PTPN2: variants seen among roughly 807,000 people sequenced by gnomAD.
PTPN2 encodes the protein tyrosine-protein phosphatase non-receptor type 2.
In PTPN2, 19 loss-of-function variants were observed where a neutral mutation model predicts 57.3. That is an observed-to-expected ratio of 0.33 (90% CI 0.23 to 0.49). The LOEUF (loss-of-function observed/expected upper bound fraction) is 0.49. Ranked by LOEUF, PTPN2 falls within the 20% of genes least tolerant of loss-of-function variation. The pLI, the probability that PTPN2 is intolerant of heterozygous loss-of-function variation, is 0.99. For missense variants in PTPN2, 358 were observed against 501.1 expected (o/e 0.71, Z 2.73); for synonymous variants, 153 against 164.9 (o/e 0.93, Z 0.55).
rs773576227 is a variant in PTPN2, at chr18:12,817,198, C to G, written c.663G>C (p.Gly221=). 1.1e-5 allele frequency: 18 copies of G among 1,614,006 alleles called. No individual in the cohort carries two copies. Among genetic ancestry groups the G allele is most frequent in the Admixed American group, 1.7e-5 (1 of 59,998 alleles). The change falls in exon 6 of 9, where the codon GGG becomes GGC. Residue 221 remains glycine, a synonymous_variant. Coordinates refer to ENST00000309660, the MANE Select transcript of PTPN2 (RefSeq NM_002828.4). ...CTACCAGAGAGAAGGTGCCAGAGCGCCCAATGCCTGCACTACAGTGGATCA... is the reference window on the plus strand; with the variant it reads ...CTACCAGAGAGAAGGTGCCAGAGCGGCCAATGCCTGCACTACAGTGGATCA... The part of the protein sequence containing the change: ...PAVIHCSAGI[G]RSGTFSLVDT...
At chr18:12,804,764 C>T (rs575936536) in intron 7 of PTPN2, among the ~76,000 whole-genome samples, 1 of 152,200 alleles carries the variant, frequency 6.6e-6, no homozygotes, top group African/African-American at 2.4e-5. Context: ...AAGAAAAGCC[C>T]GGACTTGATG....
intron 3 of PTPN2, among the ~76,000 whole-genome samples, chr18:12,831,333 G>C (rs2042661253): frequency 6.6e-6 from 1 of 152,096 alleles, no homozygotes; most frequent in Non-Finnish European, 1.5e-5. Flanking sequence ...ACTTGGGTAG[G>C]AACCAAGGGT....
intron 5 of PTPN2, among the ~76,000 whole-genome samples, chr18:12,821,937 CG>C (rs1034048915): frequency 7.0e-4 from 106 of 152,016 alleles, no homozygotes; most frequent in African/African-American, 2.5e-3. Flanking sequence ...TGTGTAATGG[CG>C]GGGGGGTACC....
At chr18:12,790,271 C>A (rs1401511110), downstream of PTPN2, among the ~76,000 whole-genome samples, 1 of 152,036 alleles carries the variant, frequency 6.6e-6, no homozygotes, top group Non-Finnish European at 1.5e-5. Context: ...TCAAGGCAGG[C>A]TAGATTTTTA....
chr18:12,879,976 T>C (rs2044615025), intron 1 of PTPN2, among the ~76,000 whole-genome samples: 1 of 152,228 alleles, frequency 6.6e-6, no homozygotes, highest in South Asian at 2.1e-4. Flanking sequence ...AGATAGTGGT[T>C]TGCTTAATGC....
chr18:12,800,162 CTTAGAG>C (rs934950262), intron 8 of PTPN2, among the ~76,000 whole-genome samples: 7 of 152,130 alleles, frequency 4.6e-5, no homozygotes, highest in African/African-American at 1.7e-4. Flanking sequence ...TCTATAACTC[CTTAGAG>C]TTATAGACTC....
intron 1 of PTPN2, among the ~76,000 whole-genome samples, chr18:12,873,852 T>C (rs1341834489): frequency 1.3e-5 from 2 of 151,626 alleles, no homozygotes; most frequent in African/African-American, 2.4e-5. Flanking sequence ...GGAGCGTCTC[T>C]GCCCGGCTGC....
At chr18:12,808,323 A>G (rs2041763982) in intron 7 of PTPN2, among the ~76,000 whole-genome samples, 1 of 152,108 alleles carries the variant, frequency 6.6e-6, no homozygotes, top group Non-Finnish European at 1.5e-5. Context: ...ATAATTAAAT[A>G]GAGATTTCAA....
chr18:12,860,768 TTCTCTGCATTTCAA>T (rs1235852402), intron 1 of PTPN2, among the ~76,000 whole-genome samples: 2 of 140,622 alleles, frequency 1.4e-5, no homozygotes, highest in African/African-American at 2.5e-5. Context: ...CGCCTTCGGG[TTCTCTGCATTTCAA>T]CATAGAAGAC....
intron 7 of PTPN2, among the ~76,000 whole-genome samples, chr18:12,811,016 G>GCTA (rs558997227): frequency 1.3e-5 from 2 of 152,142 alleles, no homozygotes; most frequent in Admixed American, 1.3e-4. Context: ...TGGAGTACTT[G>GCTA]CTACTCTCCA....
chr18:12,807,614 C>T (rs770332984), intron 7 of PTPN2, among the ~76,000 whole-genome samples: 77 of 74,010 alleles, frequency 1.0e-3, no homozygotes, highest in Non-Finnish European at 2.1e-3. Context: ...TAATATAATA[C>T]TATTTGGCCA....
chr18:12,831,123 C>T (rs1461933002), intron 3 of PTPN2, 82 bp from the exon 4 acceptor site: 7 of 911,172 alleles, frequency 7.7e-6, no homozygotes, highest in Non-Finnish European at 1.2e-5. Context: ...TAAGTCTGCT[C>T]CTGGGATGTT....
intron 9 of PTPN2, chr18:12,786,195 C>G (rs1016597894): frequency 9.9e-6 from 3 of 301,760 alleles, no homozygotes; most frequent in African/African-American, 6.7e-5. Context: ...AATGTACCCA[C>G]AAGAATTTAG....
chr18:12,863,569 T>A, intron 1 of PTPN2: 1 of 114,946 alleles, frequency 8.7e-6, no homozygotes, highest in African/African-American at 3.4e-5. Context: ...GGGGGGCAAG[T>A]GGGGACTGTC....
intron 1 of PTPN2, among the ~76,000 whole-genome samples, chr18:12,870,313 ATATATGTG>A (rs1186955676): frequency 4.2e-5 from 3 of 70,814 alleles, no homozygotes; most frequent in Admixed American, 2.7e-4. Flanking sequence ...ATATATACAT[ATATATGTG>A]TATATATATG....
intron 4 of PTPN2, 23 bp downstream of exon 4, chr18:12,830,908 AGTATACTAAGTT>A: frequency 7.0e-7 from 1 of 1,433,702 alleles, no homozygotes; most frequent in South Asian, 1.2e-5. Context: ...GATCACATAC[AGTATACTAAGTT>A]GTAAATATTA....
intron 2 of PTPN2, among the ~76,000 whole-genome samples, chr18:12,851,578 A>G (rs2043398417): frequency 6.6e-6 from 1 of 152,134 alleles, no homozygotes; most frequent in Non-Finnish European, 1.5e-5. Context: ...ATGAACATGG[A>G]TTTGTCAATT....
chr18:12,847,155 C>T (rs1258859556), intron 2 of PTPN2, among the ~76,000 whole-genome samples: 2 of 152,056 alleles, frequency 1.3e-5, no homozygotes, highest in Non-Finnish European at 2.9e-5. Flanking sequence ...AGAAATGAAG[C>T]ATACAAGAAA....
At chr18:12,820,904 T>C (rs1598786609) in intron 5 of PTPN2, among the ~76,000 whole-genome samples, 1 of 152,230 alleles carries the variant, frequency 6.6e-6, no homozygotes, top group Admixed American at 6.5e-5. Context: ...TGAACAGCAA[T>C]GTCAAACTTG....
Sources: allele counts gnomAD v4.1 joint callset (sites outside exome capture counted in the v4.1 genomes callset), GRCh38; gene constraint gnomAD v4.1.1; transcripts MANE v1.5; gene names NCBI Gene and HGNC (gene_info 2026-07-23, HGNC 2026-07-21).